Variants in PTPRJ observed in about 807,000 individuals in gnomAD.
PTPRJ encodes protein tyrosine phosphatase receptor type J, also known as receptor-type tyrosine-protein phosphatase eta.
In PTPRJ, 129 loss-of-function variants were observed where a neutral mutation model predicts 141.3. That is an observed-to-expected ratio of 0.91 (90% CI 0.79 to 1.06). The LOEUF is 1.06. Ranked by LOEUF, PTPRJ falls within the 50% of genes least tolerant of loss-of-function variation. PTPRJ has a pLI of 0.00. For synonymous variants in PTPRJ, 610 were observed against 640.5 expected (o/e 0.95, Z 0.72); for missense variants, 1,601 against 1,679.7 (o/e 0.95, Z 0.82).
chr11:48,030,744 A>AAAAT (rs921561290), intron 1 of PTPRJ, among the ~76,000 whole-genome samples: 37 of 152,106 alleles, frequency 2.4e-4, no homozygotes, highest in Non-Finnish European at 4.0e-4. Context: ...CTCTGTCTCA[A>AAAAT]AAATAAATAA....
chr11:48,136,131 G>A lies in PTPRJ; in HGVS notation c.1708G>A (p.Val570Ile). The A allele has an allele frequency of 1.2e-6, 2 of 1,614,186 alleles. No homozygotes were observed. The highest frequency in any genetic ancestry group is 1.7e-6 in the Non-Finnish European group (2 of 1,180,032). ...GAGCCCTGACGGTGCTTCCGAGTAT[G>A]TCTACCATTTAGTCATAGAGTCCAA... ...WKSPDGASEY[V>I]YHLVIESKHG... The change falls in exon 9 of 25, where the codon GTC becomes ATC. Residue 570 changes from valine to isoleucine, a missense_variant. Val to Ile is a conservative substitution (Grantham distance 29). Transcript: ENST00000418331.
intron 15 of PTPRJ, 94 bp downstream of exon 15, chr11:48,147,057 TATG>T (rs1180659633): frequency 1.9e-6 from 2 of 1,039,044 alleles, no homozygotes; most frequent in East Asian, 2.4e-5. Context: ...GAAGGAATGA[TATG>T]ATGAGCGCCA....
chr11:48,153,050 G>T (rs888336925), intron 18 of PTPRJ, among the ~76,000 whole-genome samples: 1 of 152,092 alleles, frequency 6.6e-6, no homozygotes, highest in African/African-American at 2.4e-5. Context: ...AAACACCACG[G>T]GTTTGGTCTA....
intron 1 of PTPRJ, among the ~76,000 whole-genome samples, chr11:48,001,351 T>A (rs1223627835): frequency 9.1e-6 from 1 of 110,144 alleles, no homozygotes; most frequent in African/African-American, 4.5e-5. Flanking sequence ...AGCCCCAAAG[T>A]GTGTGTGTGT....
chr11:48,039,161 A>G (rs1400877106), intron 1 of PTPRJ, among the ~76,000 whole-genome samples: 21 of 151,880 alleles, frequency 1.4e-4, no homozygotes, highest in Non-Finnish European at 3.1e-4. Flanking sequence ...AAAAAAAAAA[A>G]AAAAGAAAAA....
intron 1 of PTPRJ, among the ~76,000 whole-genome samples, chr11:48,056,873 G>C (rs747650226): frequency 2.6e-5 from 4 of 152,224 alleles, no homozygotes; most frequent in Admixed American, 6.5e-5. Flanking sequence ...AGAATCGCTT[G>C]ACTCCGGGAG....
intron 1 of PTPRJ, among the ~76,000 whole-genome samples, chr11:48,078,057 C>CTT (rs1855455159): frequency 6.8e-6 from 1 of 148,048 alleles, no homozygotes. Context: ...TTTTTTTTTT[C>CTT]TTTTTCTTTT....
intron 1 of PTPRJ, among the ~76,000 whole-genome samples, chr11:48,073,152 A>G (rs1855304407): frequency 6.6e-6 from 1 of 152,190 alleles, no homozygotes; most frequent in Admixed American, 6.5e-5. Context: ...GGGCTCACAC[A>G]CAGGGAGCTA....
At chr11:48,088,647 G>C (rs1185768743) in intron 1 of PTPRJ, among the ~76,000 whole-genome samples, 1 of 152,146 alleles carries the variant, frequency 6.6e-6, no homozygotes, top group Non-Finnish European at 1.5e-5. Context: ...ATCACCTGGG[G>C]ATTCCTGACT....
chr11:48,145,250 C>G, intron 14 of PTPRJ, 126 bp downstream of exon 14: 1 of 1,349,478 alleles, frequency 7.4e-7, no homozygotes, highest in Non-Finnish European at 1.0e-6. Flanking sequence ...GCTCTCCCCT[C>G]CCAGAGGTTG....
intron 1 of PTPRJ, among the ~76,000 whole-genome samples, chr11:48,107,999 G>A (rs1167330223): frequency 6.6e-6 from 1 of 152,184 alleles, no homozygotes; most frequent in Non-Finnish European, 1.5e-5. Flanking sequence ...TGAGAGGATC[G>A]CTTGAGCATG....
At chr11:48,015,043 G>A (rs1285438507) in intron 1 of PTPRJ, among the ~76,000 whole-genome samples, 1 of 152,014 alleles carries the variant, frequency 6.6e-6, no homozygotes, top group Non-Finnish European at 1.5e-5. Flanking sequence ...CTGAGCTCTA[G>A]GGGTCAAGAG....
At chr11:48,032,228 C>G (rs1000920158) in intron 1 of PTPRJ, among the ~76,000 whole-genome samples, 1 of 152,118 alleles carries the variant, frequency 6.6e-6, no homozygotes, top group Non-Finnish European at 1.5e-5. Context: ...GTGAAATGCT[C>G]ATCCCTCAGC....
intron 1 of PTPRJ, among the ~76,000 whole-genome samples, chr11:48,030,890 G>T (rs1355732324): frequency 6.6e-6 from 1 of 152,196 alleles, no homozygotes; most frequent in African/African-American, 2.4e-5. Flanking sequence ...ACACTGAGCT[G>T]CAAGGGAGGC....
intron 13 of PTPRJ, 45 bp downstream of exon 13, chr11:48,144,930 G>A (rs1197811720): frequency 6.2e-7 from 1 of 1,613,852 alleles, no homozygotes; most frequent in East Asian, 2.2e-5. Flanking sequence ...AGCCTCATGA[G>A]CATAAAGCTC....
At position 48,002,451 on chromosome 11, in the gene PTPRJ, T is replaced by A. The variant is rs1032307602; in HGVS notation, c.96+21443T>A. On this transcript the variant is annotated intron_variant, in intron 1 of 24. Coordinates refer to ENST00000418331, the MANE Select transcript of PTPRJ (RefSeq NM_002843.4). Reference sequence around the variant, plus strand: ...CCATGCCTAGCCTCACTCCCTTAAATTTTTAAAATGGGTAAATGAGTGCAT... The same window carrying A: ...CCATGCCTAGCCTCACTCCCTTAAAATTTTAAAATGGGTAAATGAGTGCAT... Among the ~76,000 whole-genome samples the A allele has an allele frequency of 5.3e-5, 8 of 152,298 alleles. No individual in the cohort carries two copies. In the East Asian group the frequency reaches 1.3e-3, roughly 26 times the overall value.
At chr11:48,046,396 A>G (rs1329311600) in intron 1 of PTPRJ, 1 of 152,148 alleles carries the variant, frequency 6.6e-6, no homozygotes, top group Non-Finnish European at 1.5e-5. Context: ...ATGGGCTAAT[A>G]TCTCTGTCTT....
At chr11:48,104,488 C>G (rs909690090) in intron 1 of PTPRJ, among the ~76,000 whole-genome samples, 3 of 152,176 alleles carry the variant, frequency 2.0e-5, no homozygotes, top group Non-Finnish European at 4.4e-5. Context: ...GTAAAAATAA[C>G]TATTGTCATA....
rs754942100 is a variant in PTPRJ at position 48,150,170 on chromosome 11, C to T, written c.3125C>T (p.Ala1042Val). ...KQQADSNCGF[A>V]EEYEDLKLVG... ...CAAGCTGACTCCAACTGTGGGTTCG[C>T]AGAGGAATACGAAGTATGTTGCTGT... The change falls in exon 18 of 25, where the codon GCA (alanine) becomes GTA (valine). Residue 1042 changes from alanine to valine, a missense_variant. Coordinates refer to ENST00000418331, the MANE Select transcript of PTPRJ (RefSeq NM_002843.4). 11 of 1,613,764 alleles carry T rather than the reference C, an allele frequency of 6.8e-6. No individual in the cohort carries two copies. Among genetic ancestry groups the T allele is most frequent in the Middle Eastern group, 1.6e-4 (1 of 6,062 alleles).
Sources: gnomAD v4.1 joint callset for allele counts (sites outside exome capture counted in the v4.1 genomes callset) on GRCh38, gnomAD v4.1.1 for gene constraint, MANE v1.5 for transcripts, NCBI Gene and HGNC (gene_info 2026-07-23, HGNC 2026-07-21) for gene names.